The following EPHA5 variants were observed in gnomAD, a reference collection of about 807,000 sequenced individuals.
EPHA5 encodes the protein ephrin type-A receptor 5.
In EPHA5, 60 loss-of-function variants were observed where a neutral mutation model predicts 105.0. The ratio of observed to expected loss-of-function variants is 0.57; its 90% CI spans 0.46 to 0.71. The LOEUF (loss-of-function observed/expected upper bound fraction) is 0.71, where lower values mean the gene tolerates loss of function less well. Among genes scored for constraint, EPHA5 ranks in the 30% least tolerant of loss-of-function variants. The pLI is 0.00. For synonymous variants in EPHA5, 513 were observed against 449.1 expected (o/e 1.14, Z -1.80); for missense variants, 1,218 against 1,274.7 (o/e 0.96, Z 0.68).
chr4:65,530,414 TTGTGTG>T (rs34792636), intron 3 of EPHA5, among the ~76,000 whole-genome samples: 2 of 151,332 alleles, frequency 1.3e-5, no homozygotes, highest in African/African-American at 2.4e-5. Context: ...AGGTGTACAT[TTGTGTG>T]TGTGTGTGTG....
At chr4:65,527,431 G>C (rs141857685) in intron 3 of EPHA5, among the ~76,000 whole-genome samples, 40 of 152,146 alleles carry the variant, frequency 2.6e-4, no homozygotes, top group African/African-American at 9.4e-4. Flanking sequence ...GACACACACA[G>C]AGCAAATACA....
intron 5 of EPHA5, among the ~76,000 whole-genome samples, chr4:65,489,066 T>G (rs1024204743): frequency 6.6e-6 from 1 of 151,848 alleles, no homozygotes; most frequent in Non-Finnish European, 1.5e-5. Context: ...TTTTTATTAT[T>G]ATTTTTATTT....
intron 14 of EPHA5, among the ~76,000 whole-genome samples, chr4:65,339,718 C>T (rs1721524345): frequency 6.6e-6 from 1 of 152,072 alleles, no homozygotes; most frequent in Non-Finnish European, 1.5e-5. Flanking sequence ...GAGCCTATCC[C>T]AGCAGCTCAG....
intron 8 of EPHA5, among the ~76,000 whole-genome samples, chr4:65,380,049 AG>A (rs1719406579): frequency 6.6e-6 from 1 of 151,788 alleles, no homozygotes; most frequent in Non-Finnish European, 1.5e-5. Context: ...AGATAAGTAC[AG>A]GTTAATGCTT....
chr4:65,643,529 T>C (rs1171531973), intron 1 of EPHA5, 102 bp from the exon 2 acceptor site: 1 of 883,358 alleles, frequency 1.1e-6, no homozygotes, highest in Non-Finnish European at 1.8e-6. Context: ...TTTACATAAC[T>C]GAAATTAAGT....
intron 2 of EPHA5, among the ~76,000 whole-genome samples, chr4:65,635,942 T>C (rs1463046144): frequency 7.9e-5 from 12 of 152,128 alleles, no homozygotes; most frequent in Admixed American, 7.9e-4. Context: ...TGAGGAAATA[T>C]TTATTTTACA....
chr4:65,388,482 G>T (rs1720361133), intron 8 of EPHA5, among the ~76,000 whole-genome samples: 1 of 150,426 alleles, frequency 6.6e-6, no homozygotes, highest in African/African-American at 2.4e-5. Context: ...AGCACCTGTT[G>T]TTTCCTGACT....
At chr4:65,413,638 A>G (rs868636918) in intron 7 of EPHA5, among the ~76,000 whole-genome samples, 6 of 152,310 alleles carry the variant, frequency 3.9e-5, no homozygotes, top group Middle Eastern at 3.4e-3. Flanking sequence ...GTATTTCCTC[A>G]CAAATAACTT....
At chr4:65,375,029 G>C (rs1718854328) in intron 8 of EPHA5, among the ~76,000 whole-genome samples, 1 of 151,782 alleles carries the variant, frequency 6.6e-6, no homozygotes, top group Non-Finnish European at 1.5e-5. Flanking sequence ...AAAATTTGTA[G>C]TAATTTGAAA....
chr4:65,417,799 T>C (rs1723535226), intron 6 of EPHA5, among the ~76,000 whole-genome samples: 1 of 152,128 alleles, frequency 6.6e-6, no homozygotes, highest in African/African-American at 2.4e-5. Context: ...CCCTACCACT[T>C]GTTGAATAAC....
chr4:65,357,770 A>T (rs897986269), intron 11 of EPHA5, among the ~76,000 whole-genome samples: 1 of 151,444 alleles, frequency 6.6e-6, no homozygotes, highest in African/African-American at 2.4e-5. Flanking sequence ...GTGTAGGGGT[A>T]ATAATACTGT....
chr4:65,572,697 A>T (rs1249554083), intron 3 of EPHA5, among the ~76,000 whole-genome samples: 1 of 152,228 alleles, frequency 6.6e-6, no homozygotes, highest in Admixed American at 6.5e-5. Flanking sequence ...AGAAAAAAAC[A>T]AGAGAGCATG....
chr4:65,439,375 C>T (rs1463423270), intron 5 of EPHA5, among the ~76,000 whole-genome samples: 1 of 151,998 alleles, frequency 6.6e-6, no homozygotes, highest in African/African-American at 2.4e-5. Flanking sequence ...ATAAAAGGTG[C>T]ACAATCTTTG....
intron 2 of EPHA5, among the ~76,000 whole-genome samples, chr4:65,639,341 A>G (rs1269797251): frequency 3.3e-5 from 5 of 152,192 alleles, no homozygotes; most frequent in Admixed American, 1.3e-4. Flanking sequence ...TTCATTTTTG[A>G]AAGGCAGTTT....
chr4:65,548,380 A>T (rs899954461), intron 3 of EPHA5, among the ~76,000 whole-genome samples: 3 of 150,934 alleles, frequency 2.0e-5, no homozygotes, highest in African/African-American at 7.3e-5. Context: ...TCCAGATCAA[A>T]ATATAGAAAA....
At chr4:65,395,601 G>T (rs1042035052) in intron 8 of EPHA5, among the ~76,000 whole-genome samples, 1 of 152,074 alleles carries the variant, frequency 6.6e-6, no homozygotes, top group Non-Finnish European at 1.5e-5. Context: ...GACTTCTAAA[G>T]AATTTTTGCT....
At chr4:65,510,318 T>C (rs1733494576) in intron 3 of EPHA5, among the ~76,000 whole-genome samples, 1 of 152,070 alleles carries the variant, frequency 6.6e-6, no homozygotes, top group Non-Finnish European at 1.5e-5. Flanking sequence ...GTGCTGGGAT[T>C]ACAGGCATGA....
chr4:65,482,262 C>T (rs1451022007), intron 5 of EPHA5, among the ~76,000 whole-genome samples: 1 of 149,204 alleles, frequency 6.7e-6, no homozygotes. Context: ...CTTGCCATCG[C>T]ACTCCAGCCT....
chr4:65,474,963 A>T (rs1729649152), intron 5 of EPHA5, among the ~76,000 whole-genome samples: 1 of 152,208 alleles, frequency 6.6e-6, no homozygotes, highest in African/African-American at 2.4e-5. Context: ...TCTATTTTTA[A>T]TAATTGCATT....
Sources: gnomAD v4.1 joint callset for allele counts (sites outside exome capture counted in the v4.1 genomes callset) on GRCh38, gnomAD v4.1.1 for gene constraint, MANE v1.5 for transcripts, NCBI Gene and HGNC (gene_info 2026-07-23, HGNC 2026-07-21) for gene names.